APBB2: variants seen among roughly 807,000 people sequenced by gnomAD.
The protein encoded by APBB2 is Fe65-like 1.
A neutral mutation model predicts 82.5 loss-of-function variants in APBB2; 38 were observed. The ratio of observed to expected loss-of-function variants is 0.46; its 90% CI spans 0.36 to 0.60. APBB2 has a LOEUF of 0.60. Ranked by LOEUF, APBB2 falls within the 20% of genes least tolerant of loss-of-function variation. APBB2 has a pLI of 0.00. For synonymous variants in APBB2, 341 were observed against 368.2 expected, an observed-to-expected ratio of 0.93 and a Z score of 0.85; for missense variants, 772 against 972.3, an observed-to-expected ratio of 0.79 and a Z score of 2.74.
intron 12 of APBB2, among the ~76,000 whole-genome samples, chr4:40,863,819 G>C (rs931589384): frequency 6.9e-6 from 1 of 144,302 alleles, no homozygotes. Flanking sequence ...ACTTGAACCC[G>C]AAAGGCAGAG....
chr4:41,161,830 A>T (rs925363974), intron 1 of APBB2, among the ~76,000 whole-genome samples: 7 of 152,096 alleles, frequency 4.6e-5, no homozygotes, highest in African/African-American at 1.7e-4. Flanking sequence ...AACAAAACCC[A>T]TGTCTCCTAT....
At chr4:41,175,897 C>G (rs1465978947) in intron 1 of APBB2, among the ~76,000 whole-genome samples, 1 of 152,104 alleles carries the variant, frequency 6.6e-6, no homozygotes, top group Non-Finnish European at 1.5e-5. Flanking sequence ...TTAAAGCAAC[C>G]TAAACTGAAA....
intron 6 of APBB2, among the ~76,000 whole-genome samples, chr4:40,991,010 C>CTTTTTTTTTTTTTTTTTTTTT (rs1491223078): frequency 7.8e-6 from 1 of 128,652 alleles, no homozygotes. Context: ...GACTGAGTTT[C>CTTTTTTTTTTTTTTTTTTTTT]ATTTTTTTTT....
chr4:41,208,265 T>C (rs1458624026), intron 1 of APBB2, among the ~76,000 whole-genome samples: 1 of 152,200 alleles, frequency 6.6e-6, no homozygotes, highest in Non-Finnish European at 1.5e-5. Context: ...TCCAATATTC[T>C]GCATTCTTTT....
intron 2 of APBB2, among the ~76,000 whole-genome samples, chr4:41,135,169 C>CAAAA (rs5857778): frequency 1.0e-5 from 1 of 99,580 alleles, no homozygotes; most frequent in Non-Finnish European, 2.0e-5. Context: ...CTTGAGCCCT[C>CAAAA]AAAAAAAAAA....
chr4:40,893,190 C>A, intron 11 of APBB2, 75 bp downstream of exon 11: 1 of 1,555,968 alleles, frequency 6.4e-7, no homozygotes, highest in South Asian at 1.2e-5. Context: ...TACCATGTGT[C>A]ACTGAGCTGT....
At chr4:40,948,831 TG>T (rs1789211042) in intron 6 of APBB2, among the ~76,000 whole-genome samples, 1 of 128,114 alleles carries the variant, frequency 7.8e-6, no homozygotes, top group Admixed American at 9.3e-5. Flanking sequence ...GGAGGCTGCA[TG>T]GAGCCATAAT....
chr4:41,000,069 A>ATGTGTGTG (rs779111046), intron 6 of APBB2, among the ~76,000 whole-genome samples: 4,962 of 130,484 alleles, frequency 0.038, 106 homozygotes, highest in Non-Finnish European at 0.055. Flanking sequence ...ATATGTGTGT[A>ATGTGTGTG]TGTGTGTGTG....
intron 1 of APBB2, among the ~76,000 whole-genome samples, chr4:41,192,153 G>T (rs781389840): frequency 6.6e-6 from 1 of 152,192 alleles, no homozygotes; most frequent in African/African-American, 2.4e-5. Flanking sequence ...TGTTGTTGAA[G>T]GTGTGGAGAA....
chr4:41,162,026 T>C (rs1243477022), intron 1 of APBB2, among the ~76,000 whole-genome samples: 1 of 152,124 alleles, frequency 6.6e-6, no homozygotes, highest in Non-Finnish European at 1.5e-5. Context: ...TTGAAGTAAA[T>C]TCCAGGCATC....
chr4:40,810,444 G>A lies in APBB2; in HGVS notation c.*5648C>T, dbSNP rs1482546291. The A allele has an allele frequency of 2.0e-5, 3 of 151,812 alleles. No homozygotes were observed. Among genetic ancestry groups the A allele is most frequent in the Non-Finnish European group, 4.4e-5 (3 of 67,976 alleles). The allele number at this position is 151,812 out of a possible 1,614,324, so 9.4% of individuals were successfully genotyped here. A position where few individuals can be genotyped will look rare whatever the true frequency, so the allele number is the denominator to read the frequency against. On this transcript the variant is annotated 3_prime_UTR_variant, in exon 18 of 18. Transcript: ENST00000508593. ...AATACAAAAATTAGCTGGGTGTGGT[G>A]GGACACGCCTGTAGTCCCAGCTACT...
intron 12 of APBB2, among the ~76,000 whole-genome samples, chr4:40,877,996 T>G (rs1767355267): frequency 6.6e-6 from 1 of 151,956 alleles, no homozygotes; most frequent in African/African-American, 2.4e-5. Flanking sequence ...AAAATGCAGC[T>G]GGAGCATTTT....
chr4:41,132,775 C>T (rs1332308634), intron 2 of APBB2, among the ~76,000 whole-genome samples: 1 of 152,096 alleles, frequency 6.6e-6, no homozygotes, highest in Non-Finnish European at 1.5e-5. Flanking sequence ...TGCTTACTTC[C>T]TCTGAACTCC....
rs569135912 is a variant in APBB2 at position 41,019,698 on chromosome 4, G to C, written c.20-5300C>G. 2.4e-4 allele frequency among the ~76,000 whole-genome samples: 37 copies of C among 152,256 alleles called. No individual in the cohort carries two copies. In the South Asian group the frequency reaches 7.1e-3, roughly 29 times the overall value. ...CACAGTAGAAACGGTAAAGAAGTGG[G>C]AGAAAAGGAAAAGGCCAGAGGTCAG... On this transcript the variant is annotated intron_variant, in intron 5 of 17. Transcript: ENST00000508593.
chr4:41,005,150 G>A (rs1055776526), intron 6 of APBB2, among the ~76,000 whole-genome samples: 8 of 151,804 alleles, frequency 5.3e-5, no homozygotes, highest in African/African-American at 1.9e-4. Context: ...GGAATGCAGT[G>A]GGCCAATCTC....
rs535611007 is a variant in APBB2 at position 40,812,987 on chromosome 4, T to A, written c.*3105A>T. ...AACGAAGCACCAAGCAGTGCTTTAG[T>A]CTGCAAAGGAAAGTTTTTAGCCATA... On this transcript the variant is annotated 3_prime_UTR_variant, in exon 18 of 18. Transcript: ENST00000508593. The A allele has an allele frequency of 5.3e-5, 8 of 152,362 alleles. No homozygotes were observed. In the South Asian group the frequency reaches 1.7e-3, roughly 32 times the overall value. 9.4% of individuals were successfully genotyped at this position (152,362 alleles called of 1,614,324 possible).
chr4:41,109,619 C>T (rs1748470689), intron 2 of APBB2, among the ~76,000 whole-genome samples: 1 of 152,104 alleles, frequency 6.6e-6, no homozygotes, highest in African/African-American at 2.4e-5. Flanking sequence ...TACAGGCACC[C>T]ACCACTACAC....
intron 1 of APBB2, chr4:41,193,583 G>T: frequency 1.0e-6 from 1 of 985,036 alleles, no homozygotes; most frequent in Non-Finnish European, 1.2e-6. Context: ...GCTACTTTTT[G>T]TCAGTGAGCT....
chr4:41,212,753 A>G (rs1580880775), intron 1 of APBB2, among the ~76,000 whole-genome samples: 1 of 152,002 alleles, frequency 6.6e-6, no homozygotes, highest in African/African-American at 2.4e-5. Context: ...GTACCCCACC[A>G]CCTTCCGCCC....
Sources: gnomAD v4.1 joint callset for allele counts (sites outside exome capture counted in the v4.1 genomes callset) on GRCh38, gnomAD v4.1.1 for gene constraint, MANE v1.5 for transcripts, NCBI Gene and HGNC (gene_info 2026-07-23, HGNC 2026-07-21) for gene names.